CSNK2A2IP: variants seen among roughly 807,000 people sequenced by gnomAD.
CSNK2A2IP encodes the protein casein kinase II subunit alpha'-interacting protein.
At chr3:88,385,886 T>A in the CSNK2A2IP span, among the ~76,000 whole-genome samples, 7 of 152,130 alleles carry the variant, frequency 4.6e-5, no homozygotes, top group Non-Finnish European at 1.0e-4. Context: ...CAAAAAACAA[T>A]GGGTGAGAAG....
chr3:88,425,383 G>C, the CSNK2A2IP span, among the ~76,000 whole-genome samples: 1 of 151,966 alleles, frequency 6.6e-6, no homozygotes, highest in Non-Finnish European at 1.5e-5. Context: ...GTTAAGACTT[G>C]CTAACCTACA....
the CSNK2A2IP span, among the ~76,000 whole-genome samples, chr3:88,398,926 T>TA: frequency 3.6e-4 from 55 of 152,304 alleles, no homozygotes; most frequent in African/African-American, 1.2e-3. Flanking sequence ...GAAGAAACAA[T>TA]ATTAAACAAA....
the CSNK2A2IP span, among the ~76,000 whole-genome samples, chr3:88,452,732 T>C: frequency 6.6e-6 from 1 of 152,168 alleles, no homozygotes; most frequent in South Asian, 2.1e-4. Context: ...TTTGTCTGCA[T>C]TAGAACATAG....
the CSNK2A2IP span, among the ~76,000 whole-genome samples, chr3:88,347,118 C>T: frequency 6.6e-6 from 1 of 151,954 alleles, no homozygotes; most frequent in Admixed American, 6.6e-5. Context: ...GAAGATATGA[C>T]TGAATTGCTG....
chr3:88,466,648 G>A, the CSNK2A2IP span: 169 of 1,226,728 alleles, frequency 1.4e-4, no homozygotes, highest in Non-Finnish European at 1.7e-4. Context: ...CCCTGATGAT[G>A]TGGTAAATAA....
the CSNK2A2IP span, among the ~76,000 whole-genome samples, chr3:88,390,973 A>G: frequency 6.6e-6 from 1 of 152,228 alleles, no homozygotes; most frequent in East Asian, 1.9e-4. Context: ...ATGATTAAGA[A>G]TTTGTGTTCT....
chr3:88,403,267 G>A, the CSNK2A2IP span, among the ~76,000 whole-genome samples: 2 of 151,854 alleles, frequency 1.3e-5, no homozygotes, highest in Non-Finnish European at 2.9e-5. Context: ...TTTTTATTAG[G>A]TTTTTTGTTC....
chr3:88,432,219 A>G, the CSNK2A2IP span, among the ~76,000 whole-genome samples: 1 of 151,934 alleles, frequency 6.6e-6, no homozygotes, highest in Non-Finnish European at 1.5e-5. Context: ...TAATATTTTC[A>G]CAATTGTTTT....
the CSNK2A2IP span, among the ~76,000 whole-genome samples, chr3:88,399,224 G>A: frequency 1.3e-5 from 2 of 152,030 alleles, no homozygotes; most frequent in South Asian, 2.1e-4. Flanking sequence ...ATTCTATTAC[G>A]AAAGATTTTA....
the CSNK2A2IP span, chr3:88,343,390 G>A: frequency 4.7e-3 from 715 of 152,014 alleles, 5 homozygotes; most frequent in Non-Finnish European, 8.0e-3. Flanking sequence ...AAACAAGGGA[G>A]CATTCTTATG....
chr3:88,351,706 G>A, the CSNK2A2IP span, among the ~76,000 whole-genome samples: 2 of 151,988 alleles, frequency 1.3e-5, no homozygotes, highest in Admixed American at 1.3e-4. Flanking sequence ...AACACTAAAT[G>A]TAAGATAACT....
chr3:88,376,851 T>A, the CSNK2A2IP span, among the ~76,000 whole-genome samples: 1 of 151,814 alleles, frequency 6.6e-6, no homozygotes, highest in Non-Finnish European at 1.5e-5. Flanking sequence ...CTTTTCTGAA[T>A]TCTTATCCTC....
chr3:88,445,067 A>G, the CSNK2A2IP span, among the ~76,000 whole-genome samples: 1 of 152,086 alleles, frequency 6.6e-6, no homozygotes, highest in Non-Finnish European at 1.5e-5. Context: ...TAAGATGTTT[A>G]GATTGTCCGA....
the CSNK2A2IP span, among the ~76,000 whole-genome samples, chr3:88,359,091 C>G: frequency 4.0e-5 from 6 of 150,362 alleles, no homozygotes; most frequent in East Asian, 1.2e-3. Context: ...TATCTCATTA[C>G]TTGTTATTAG....
At chr3:88,450,152 A>T in the CSNK2A2IP span, among the ~76,000 whole-genome samples, 1 of 151,978 alleles carries the variant, frequency 6.6e-6, no homozygotes, top group Admixed American at 6.6e-5. Context: ...TATGGATGTG[A>T]TCCACCACAC....
At chr3:88,463,752 C>A in the CSNK2A2IP span, among the ~76,000 whole-genome samples, 1 of 152,122 alleles carries the variant, frequency 6.6e-6, no homozygotes, top group Non-Finnish European at 1.5e-5. Flanking sequence ...GGTGATTCCT[C>A]AGGGATCTAG....
chr3:88,380,966 A>G, the CSNK2A2IP span, among the ~76,000 whole-genome samples: 2 of 152,190 alleles, frequency 1.3e-5, no homozygotes, highest in African/African-American at 2.4e-5. Context: ...GATGATGTAT[A>G]TTCTTTATAC....
chr3:88,452,924 T>C, the CSNK2A2IP span, among the ~76,000 whole-genome samples: 1 of 152,182 alleles, frequency 6.6e-6, no homozygotes, highest in Non-Finnish European at 1.5e-5. Flanking sequence ...TCAATTAGTT[T>C]GCATGTTTGT....
At chr3:88,419,568 C>A in the CSNK2A2IP span, among the ~76,000 whole-genome samples, 1 of 152,086 alleles carries the variant, frequency 6.6e-6, no homozygotes. Flanking sequence ...GATGAACATA[C>A]ACGTGCATGT....
Sources: allele counts gnomAD v4.1 joint callset (sites outside exome capture counted in the v4.1 genomes callset), GRCh38; gene constraint gnomAD v4.1.1; transcripts MANE v1.5; gene names NCBI Gene and HGNC (gene_info 2026-07-23, HGNC 2026-07-21).